RAD9B: variants seen among roughly 807,000 people sequenced by gnomAD.
RAD9B encodes the protein RAD9 checkpoint clamp component B, also known as cell cycle checkpoint control protein RAD9B.
A neutral mutation model predicts 48.3 loss-of-function variants in RAD9B; 41 were observed. The observed-to-expected ratio is 0.85, with a 90% confidence interval of 0.66 to 1.10. RAD9B has a LOEUF of 1.10. RAD9B is among the 50% of genes least tolerant of loss of function. RAD9B has a pLI of 0.00. For synonymous variants in RAD9B, 160 were observed against 157.9 expected (o/e 1.01, Z -0.10); for missense variants, 444 against 485.1 (o/e 0.92, Z 0.80).
rs922823316 is a variant in RAD9B, at chr12:110,533,464, C to T, written c.*2811C>T. On this transcript the variant is annotated 3_prime_UTR_variant, in exon 11 of 11. Transcript: ENST00000409300. Reference sequence around the variant, plus strand: ...ATTTAGCCATCTTTGCCACAAACTACCTGCTAACAGTTAAAATTCTGACAT... The same window carrying T: ...ATTTAGCCATCTTTGCCACAAACTATCTGCTAACAGTTAAAATTCTGACAT... The T allele has an allele frequency of 6.6e-5, 10 of 152,080 alleles. No individual in the cohort carries two copies. The highest frequency in any genetic ancestry group is 1.2e-4 in the African/African-American group (5 of 41,400). 9.4% of individuals were successfully genotyped at this position (152,080 alleles called of 1,614,324 possible).
At chr12:110,519,556 G>T (rs2063711600) in intron 8 of RAD9B, among the ~76,000 whole-genome samples, 1 of 151,552 alleles carries the variant, frequency 6.6e-6, no homozygotes, top group Non-Finnish European at 1.5e-5. Flanking sequence ...TTAGCCTCTT[G>T]AGTAGCTGGG....
At chr12:110,526,426 AT>A (rs2063938858) in intron 10 of RAD9B, among the ~76,000 whole-genome samples, 2 of 152,188 alleles carry the variant, frequency 1.3e-5, no homozygotes, top group East Asian at 3.8e-4. Context: ...CCAGTAGCAA[AT>A]TCAGGGCAGC....
intron 1 of RAD9B, chr12:110,503,463 C>G (rs1349367416): frequency 4.8e-6 from 1 of 208,576 alleles, no homozygotes. Context: ...GCACTGTTTT[C>G]ACAGTTTTTG....
rs1330323621 is a variant in RAD9B, at chr12:110,502,393, C to G, written c.46+10C>G. 6.2e-7 allele frequency: 1 copy of G among 1,613,294 alleles called. No individual in the cohort carries two copies. The highest frequency in any genetic ancestry group is 8.5e-7 in the Non-Finnish European group (1 of 1,179,694). On this transcript the variant is annotated intron_variant, in intron 1 of 10. Transcript: ENST00000409300. Reference sequence around the variant, plus strand: ...GGCAGTCAGGTGAAAGGTGGAGCGGCCTTTGTTGTCTTCCCATTTAGCAGA... The same window carrying G: ...GGCAGTCAGGTGAAAGGTGGAGCGGGCTTTGTTGTCTTCCCATTTAGCAGA...
chr12:110,517,285 T>A (rs893657659), intron 6 of RAD9B, among the ~76,000 whole-genome samples: 2 of 152,130 alleles, frequency 1.3e-5, no homozygotes, highest in African/African-American at 4.8e-5. Context: ...GCTATGATCA[T>A]GCCACTGTAT....
At chr12:110,526,675 C>G (rs931740982) in intron 10 of RAD9B, among the ~76,000 whole-genome samples, 7 of 151,850 alleles carry the variant, frequency 4.6e-5, no homozygotes, top group Non-Finnish European at 8.8e-5. Context: ...TTTGGGAGAC[C>G]GAGACAGGCA....
intron 6 of RAD9B, among the ~76,000 whole-genome samples, chr12:110,518,071 G>C (rs1356143817): frequency 6.6e-6 from 1 of 151,844 alleles, no homozygotes; most frequent in Non-Finnish European, 1.5e-5. Flanking sequence ...GGCGCCTGTA[G>C]TCCCAGCAAC....
intron 4 of RAD9B, among the ~76,000 whole-genome samples, chr12:110,509,806 G>A (rs532866080): frequency 6.6e-6 from 1 of 152,224 alleles, no homozygotes; most frequent in African/African-American, 2.4e-5. Flanking sequence ...TATTTCTAAA[G>A]AACACCTAAG....
Position 110,522,276 on chromosome 12 carries a change from G to T in RAD9B, c.990G>T (p.Glu330Asp). ...KAAPRRLYPK[E>D]TLTNISALEN... The stretch of plus-strand genomic sequence containing the variant: ...CACCAAGAAGGCTTTATCCTAAGGA[G>T]ACTCTCACAAACATATCTGCATTGG... The change falls in exon 10 of 11, where the codon GAG becomes GAT. Residue 330 changes from glutamate to aspartate, a missense_variant. Transcript: ENST00000409300. 6.2e-7 allele frequency: 1 copy of T among 1,613,216 alleles called. No individual in the cohort carries two copies. Among genetic ancestry groups the T allele is most frequent in the Non-Finnish European group, 8.5e-7 (1 of 1,179,620 alleles).
At chr12:110,521,530 C>CT (rs1478416227) in intron 9 of RAD9B, among the ~76,000 whole-genome samples, 1 of 150,142 alleles carries the variant, frequency 6.7e-6, no homozygotes, top group African/African-American at 2.5e-5. Flanking sequence ...TTCAATATCA[C>CT]TGATAATGAC....
At chr12:110,511,870 CAG>C (rs1460634621) in intron 4 of RAD9B, among the ~76,000 whole-genome samples, 1 of 151,758 alleles carries the variant, frequency 6.6e-6, no homozygotes, top group African/African-American at 2.4e-5. Context: ...TTTTTTGAGA[CAG>C]AGTCTCGCTC....
rs139010052 is a variant in RAD9B at position 110,530,587 on chromosome 12, C to A, written c.1188C>A (p.Phe396Leu). Residue 396 changes from phenylalanine (F) to leucine (L), a missense_variant, in exon 11 of 11, where the codon TTC (phenylalanine) becomes TTA (leucine). Transcript: ENST00000409300. ...SDQQEHFNHP[F>L]DSLARASDSE... is the part of the protein sequence containing the mutation. ...AGCAAGAACACTTCAACCACCCTTT[C>A]GACAGTCTGGCAAGAGCAAGTGACA... 2.9e-5 allele frequency: 46 copies of A among 1,613,832 alleles called. No individual in the cohort carries two copies. Among genetic ancestry groups the A allele is most frequent in the Non-Finnish European group, 3.8e-5 (45 of 1,179,858 alleles).
chr12:110,520,269 G>A (rs938407618), intron 9 of RAD9B, among the ~76,000 whole-genome samples: 6 of 151,952 alleles, frequency 3.9e-5, no homozygotes, highest in East Asian at 3.9e-4. Context: ...GTGCTCTGGC[G>A]CAATCTCAAG....
At position 110,526,974 on chromosome 12, in the gene RAD9B, C is replaced by G. The variant is rs549948113; in HGVS notation, c.1126-3551C>G. 3.9e-5 allele frequency among the ~76,000 whole-genome samples: 6 copies of G among 152,028 alleles called. No homozygotes were observed. In the South Asian group the frequency reaches 1.2e-3, roughly 32 times the overall value. ...TGGCCAGATCAGTATGTTAGTTTCC[C>G]AATGACCCTTTAACAAATTGCCACA... On this transcript the variant is annotated intron_variant, in intron 10 of 10. Transcript: ENST00000409300.
intron 10 of RAD9B, among the ~76,000 whole-genome samples, chr12:110,528,803 C>T (rs2064028231): frequency 6.6e-6 from 1 of 152,182 alleles, no homozygotes; most frequent in African/African-American, 2.4e-5. Context: ...TCTTGGCTCA[C>T]TACAACCTCC....
Position 110,531,283 on chromosome 12 carries a change from C to T in RAD9B, c.*630C>T. 1 of 527,958 alleles carries T rather than the reference C, an allele frequency of 1.9e-6. No homozygotes were observed. The highest frequency in any genetic ancestry group is 2.7e-6 in the Non-Finnish European group (1 of 366,114). 32.7% of individuals were successfully genotyped at this position (527,958 alleles called of 1,614,324 possible). A position where few individuals can be genotyped will look rare whatever the true frequency, so the allele number is the denominator to read the frequency against. On this transcript the variant is annotated 3_prime_UTR_variant, in exon 11 of 11. Coordinates refer to ENST00000409300, the MANE Select transcript of RAD9B (RefSeq NM_001286535.2). ...TCTCTGCTCACTGCAACATCTGCCT[C>T]CCAGGTCCAAGCGATTCTCCTGCCT...
chr12:110,508,677 G>T (rs765013063), intron 4 of RAD9B, among the ~76,000 whole-genome samples: 31 of 152,212 alleles, frequency 2.0e-4, no homozygotes, highest in Non-Finnish European at 2.8e-4. Context: ...GCCCAGGCTG[G>T]TCTCAAACTC....
At position 110,518,772 on chromosome 12, in the gene RAD9B, A is replaced by G. The variant is rs141631347; in HGVS notation, c.692A>G (p.Lys231Arg). 3.1e-6 allele frequency: 5 copies of G among 1,598,660 alleles called. No homozygotes were observed. The African/African-American group carries it at 6.7e-5, about 21-fold the overall frequency. ...GMDTEITFCF[K>R]ELKGILTFSE... ...GACACTGAGATAACATTTTGTTTCAAAGAATTGAAGGTAAATAAAGATTTG... is the reference window on the plus strand; with the variant it reads ...GACACTGAGATAACATTTTGTTTCAGAGAATTGAAGGTAAATAAAGATTTG... Residue 231 changes from lysine to arginine, a missense_variant, in exon 7 of 11, where the codon AAA becomes AGA. Coordinates refer to ENST00000409300, the MANE Select transcript of RAD9B (RefSeq NM_001286535.2).
intron 10 of RAD9B, among the ~76,000 whole-genome samples, chr12:110,526,895 C>T (rs1443534102): frequency 1.4e-4 from 20 of 143,774 alleles, no homozygotes; most frequent in African/African-American, 4.4e-4. Context: ...GGCGACAGAA[C>T]GAGACTCCAT....
Sources: gnomAD v4.1 joint callset for allele counts (sites outside exome capture counted in the v4.1 genomes callset) on GRCh38, gnomAD v4.1.1 for gene constraint, MANE v1.5 for transcripts, NCBI Gene and HGNC (gene_info 2026-07-23, HGNC 2026-07-21) for gene names.